Variants in ATP1A2 observed in about 807,000 individuals in gnomAD.
ATP1A2 encodes ATPase Na+/K+ transporting subunit alpha 2, also known as sodium/potassium-transporting ATPase subunit alpha-2.
In ATP1A2, 56 loss-of-function variants were observed where a neutral mutation model predicts 113.1. The ratio of observed to expected loss-of-function variants is 0.49; its 90% CI spans 0.40 to 0.62. The LOEUF is 0.62. Among genes scored for constraint, ATP1A2 ranks in the 20% least tolerant of loss-of-function variants. ATP1A2 has a pLI of 0.00. For synonymous variants in ATP1A2, 490 were observed against 526.8 expected, an observed-to-expected ratio of 0.93 and a Z score of 0.96; for missense variants, 712 against 1,357.8, an observed-to-expected ratio of 0.52 and a Z score of 7.47.
At chr1:160,141,113 T>C (rs1197853325) in intron 22 of ATP1A2, among the ~76,000 whole-genome samples, 181 bp from the exon 23 acceptor site, 3 of 152,136 alleles carry the variant, frequency 2.0e-5, no homozygotes, top group Non-Finnish European at 4.4e-5. Context: ...CCCAGTATGC[T>C]GGGATTACAG....
chr1:160,128,608 C>T (rs372784025), intron 8 of ATP1A2, 44 bp from the exon 9 acceptor site: 38 of 1,613,770 alleles, frequency 2.4e-5, no homozygotes, highest in Middle Eastern at 3.3e-4. Flanking sequence ...TGGCCATCTC[C>T]GGCTTCAGCC....
intron 22 of ATP1A2, 71 bp from the exon 23 acceptor site, chr1:160,141,223 C>G (rs79875494): frequency 6.3e-7 from 1 of 1,594,630 alleles, no homozygotes; most frequent in Admixed American, 1.7e-5. Context: ...GCGACCCAAG[C>G]CCCTAGGAAA....
intron 13 of ATP1A2, among the ~76,000 whole-genome samples, chr1:160,130,925 C>T (rs1254854521): frequency 1.3e-5 from 2 of 152,190 alleles, no homozygotes; most frequent in Non-Finnish European, 2.9e-5. Context: ...CTACCCTTCC[C>T]AACTACTGCC....
At chr1:160,133,397 A>T (rs1172858885) in intron 13 of ATP1A2, among the ~76,000 whole-genome samples, 1 of 152,110 alleles carries the variant, frequency 6.6e-6, no homozygotes, top group South Asian at 2.1e-4. Context: ...CAGTATCCAT[A>T]GGACTTGCCC....
chr1:160,139,970 G>A lies in ATP1A2; in HGVS notation c.3020G>A (p.Arg1007Gln), dbSNP rs754878991. The A allele has an allele frequency of 3.1e-6, 5 of 1,613,860 alleles. No individual in the cohort carries two copies. The highest frequency in any genetic ancestry group is 4.5e-5 in the East Asian group (2 of 44,878). ...GATGAGGTCCGAAAGCTCATCCTGC[G>A]GCGGTATCCTGGTGGTAAGCCCCTC... ...IYDEVRKLIL[R>Q]RYPGGWVEKE... The change falls in exon 22 of 23, where the codon CGG becomes CAG. Residue 1007 changes from arginine to glutamine, a missense_variant. By Grantham distance (43) the Arg-to-Gln change is conservative. This residue lies in a region of ATP1A2 where 188 missense variants were observed against 438.9 expected (regional missense o/e 0.43). Transcript: ENST00000361216.
In ATP1A2 at chr1:160,136,262, T is replaced by A. The variant is rs1651944436; in HGVS notation, c.2455T>A (p.Leu819Met). ...LGTDMVPAIS[L>M]AYEAAESDIM... ...CCCCACACAGGTCCCTGCCATCTCCTTGGCCTATGAGGCAGCTGAGAGTGA... is the reference window on the plus strand; with the variant it reads ...CCCCACACAGGTCCCTGCCATCTCCATGGCCTATGAGGCAGCTGAGAGTGA... Residue 819 changes from leucine (L) to methionine (M), a missense_variant, in exon 18 of 23, where the codon TTG becomes ATG. Leu to Met is a conservative substitution (Grantham distance 15, BLOSUM62 2). Coordinates refer to ENST00000361216, the MANE Select transcript of ATP1A2 (RefSeq NM_000702.4). 1 of 1,614,104 alleles carries A rather than the reference T, an allele frequency of 6.2e-7. No individual in the cohort carries two copies. The highest frequency in any genetic ancestry group is 1.3e-5 in the African/African-American group (1 of 74,950).
rs1242345851 is a variant in ATP1A2 at position 160,143,034 on chromosome 1, C to A, written c.*1712C>A. Reference sequence around the variant, plus strand: ...CTGGCTTAGAAGGCACTGGGAATGTCCTGTAGAGAGAGACCTAGATAGGTC... The same window carrying A: ...CTGGCTTAGAAGGCACTGGGAATGTACTGTAGAGAGAGACCTAGATAGGTC... On this transcript the variant is annotated 3_prime_UTR_variant, in exon 23 of 23. Coordinates refer to ENST00000361216, the MANE Select transcript of ATP1A2 (RefSeq NM_000702.4). 1 of 152,136 alleles carries A rather than the reference C, an allele frequency of 6.6e-6. No homozygotes were observed. Among genetic ancestry groups the A allele is most frequent in the Admixed American group, 6.6e-5 (1 of 15,266 alleles). 9.4% of individuals were successfully genotyped at this position (152,136 alleles called of 1,614,324 possible). A position where few individuals can be genotyped will look rare whatever the true frequency, so the allele number is the denominator to read the frequency against.
Position 160,128,954 on chromosome 1 carries a change from C to G in ATP1A2, c.1217-26C>G, listed in dbSNP as rs760294181. 7 of 1,595,402 alleles carry G rather than the reference C, an allele frequency of 4.4e-6. No individual in the cohort carries two copies. In the East Asian group the frequency reaches 1.4e-4, roughly 31 times the overall value. On this transcript the variant is annotated intron_variant, in intron 9 of 22. Transcript: ENST00000361216. ...TAAAGGCTCTAAAGGGAGCCACGCTCCTGGTTCCCCCTCATTTCCTCCCAG... is the reference window on the plus strand; with the variant it reads ...TAAAGGCTCTAAAGGGAGCCACGCTGCTGGTTCCCCCTCATTTCCTCCCAG...
chr1:160,136,131 C>G lies in ATP1A2; in HGVS notation c.2440-116C>G, dbSNP rs191786212. ...GCACAGGCCTGGAAGACAATGGGGT[C>G]TGAATACACGCTTTTTTAACTGTGT... On this transcript the variant is annotated intron_variant, in intron 17 of 22. Coordinates refer to ENST00000361216, the MANE Select transcript of ATP1A2 (RefSeq NM_000702.4). The G allele has an allele frequency of 4.2e-4, 665 of 1,599,632 alleles. 4 individuals are homozygous for G. The East Asian group carries it at 0.012, about 29-fold the overall frequency.
intron 1 of ATP1A2, among the ~76,000 whole-genome samples, chr1:160,119,668 A>G (rs941881646): frequency 2.0e-5 from 3 of 152,132 alleles, no homozygotes; most frequent in Non-Finnish European, 4.4e-5. Context: ...TGGTGAGCCC[A>G]CAGGCCCTGG....
At chr1:160,128,572 T>A in intron 8 of ATP1A2, 80 bp from the exon 9 acceptor site, 1 of 1,602,028 alleles carries the variant, frequency 6.2e-7, no homozygotes, top group Non-Finnish European at 8.5e-7. Context: ...GGAGGAGGAA[T>A]GGAGCCACGG....
At position 160,128,717 on chromosome 1, in the gene ATP1A2, G is replaced by A. The variant is rs778171140; in HGVS notation, c.1083G>A (p.Ala361=). 34 of 1,614,014 alleles carry A rather than the reference G, an allele frequency of 2.1e-5. No homozygotes were observed. Among genetic ancestry groups the A allele is most frequent in the East Asian group, 6.7e-5 (3 of 44,888 alleles). ...ACTGCCTGGTGAAGAACCTGGAGGC[G>A]GTGGAGACGCTGGGCTCCACGTCCA... ...RKNCLVKNLE[A]VETLGSTSTI... The change falls in exon 9 of 23, where the codon GCG becomes GCA. Residue 361 remains alanine, a synonymous_variant. Coordinates refer to ENST00000361216, the MANE Select transcript of ATP1A2 (RefSeq NM_000702.4).
chr1:160,130,066 T>C (rs1352106842), intron 11 of ATP1A2, 36 bp from the exon 12 acceptor site: 3 of 1,613,652 alleles, frequency 1.9e-6, no homozygotes, highest in South Asian at 2.2e-5. Context: ...CCAAGACAAG[T>C]ATGGCCCTCT....
At chr1:160,138,877 GT>G (rs1404585283) in intron 20 of ATP1A2, among the ~76,000 whole-genome samples, 8 of 152,148 alleles carry the variant, frequency 5.3e-5, no homozygotes, top group Non-Finnish European at 1.2e-4. Context: ...TTCCAGGTCT[GT>G]CACTGAACAT....
intron 11 of ATP1A2, among the ~76,000 whole-genome samples, chr1:160,129,674 C>T (rs996434934): frequency 2.6e-5 from 4 of 152,220 alleles, no homozygotes; most frequent in African/African-American, 9.6e-5. Flanking sequence ...TCCAACTCTT[C>T]TACCCCAGTC....
At chr1:160,129,587 C>A (rs4656881) in intron 11 of ATP1A2, among the ~76,000 whole-genome samples, 187 bp downstream of exon 11, 3 of 152,088 alleles carry the variant, frequency 2.0e-5, no homozygotes, top group Non-Finnish European at 4.4e-5. Flanking sequence ...AGCTCCCAAA[C>A]CTTACTCCAT....
rs139499540 is a variant in ATP1A2 at position 160,129,025 on chromosome 1, G to A, written c.1262G>A (p.Arg421Gln). 63 of 1,611,420 alleles carry A rather than the reference G, an allele frequency of 3.9e-5. No homozygotes were observed. The highest frequency in any genetic ancestry group is 3.5e-4 in the African/African-American group (26 of 74,950). The change falls in exon 10 of 23, where the codon CGA becomes CAA. Residue 421 changes from arginine to glutamine, a missense_variant. This residue lies in a region of ATP1A2 where 263 missense variants were observed against 380.6 expected (regional missense o/e 0.69). Transcript: ENST00000361216. The part of the protein sequence containing the change: ...KRSPTWTALS[R>Q]IAGLCNRAVF... Reference sequence around the variant, plus strand: ...TCCCCTACGTGGACGGCCCTGTCTCGAATTGCTGGTCTCTGCAACCGCGCC... The same window carrying A: ...TCCCCTACGTGGACGGCCCTGTCTCAAATTGCTGGTCTCTGCAACCGCGCC...
rs112600067 is a variant in ATP1A2 at position 160,135,781 on chromosome 1, G to T, written c.2285-58G>T. 3.1e-6 allele frequency: 5 copies of T among 1,613,452 alleles called. No homozygotes were observed. The highest frequency in any genetic ancestry group is 4.2e-6 in the Non-Finnish European group (5 of 1,179,444). On this transcript the variant is annotated intron_variant, in intron 16 of 22. Transcript: ENST00000361216. This position sits in a 1 kb window ranked among gnomAD's most constrained non-coding sequence, Gnocchi z 6.3. ...GAAGACAGGCAGCCATGCTTCAGGG[G>T]CTGGGGGTGGGGAAGAGTCCCTCTG...
intron 7 of ATP1A2, among the ~76,000 whole-genome samples, chr1:160,126,749 G>A (rs1232991614): frequency 6.6e-6 from 1 of 152,134 alleles, no homozygotes; most frequent in African/African-American, 2.4e-5. Flanking sequence ...GGGATTACAG[G>A]CATGAGCCAC....
Sources: gnomAD v4.1 joint callset for allele counts (sites outside exome capture counted in the v4.1 genomes callset) on GRCh38, gnomAD v4.1.1 for gene constraint, gnomAD v4.1.1 regional missense constraint, Gnocchi (gnomAD v3.1) non-coding constraint, MANE v1.5 for transcripts, NCBI Gene and HGNC (gene_info 2026-07-23, HGNC 2026-07-21) for gene names.